ADAMTSL2: variants seen among roughly 807,000 people sequenced by gnomAD.
ADAMTSL2 encodes ADAMTS-like protein 2.
ADAMTSL2 carries 55 observed loss-of-function variants against 117.0 expected under a neutral mutation model. The ratio of observed to expected loss-of-function variants is 0.47; its 90% confidence interval spans 0.38 to 0.59. The LOEUF is 0.59. ADAMTSL2 is among the 20% of genes least tolerant of loss of function. ADAMTSL2 has a pLI of 0.00. For synonymous variants in ADAMTSL2, 572 were observed against 566.4 expected, an observed-to-expected ratio of 1.01 and a Z score of -0.14; for missense variants, 1,182 against 1,354.5, an observed-to-expected ratio of 0.87 and a Z score of 2.00.
chr9:133,565,931 C>T lies in ADAMTSL2; in HGVS notation c.1748-1005C>T, dbSNP rs1416457004. On this transcript the variant is annotated intron_variant, in intron 12 of 18. Coordinates refer to ENST00000651351, the MANE Select transcript of ADAMTSL2 (RefSeq NM_014694.4). ...ACCCCAAGGCCGTTCCCACTGCTGC[C>T]GGCTCTCCCAGAATCATCCTGCTCC... is the stretch of plus-strand genomic sequence containing the variant. 5.9e-5 allele frequency among the ~76,000 whole-genome samples: 9 copies of T among 152,254 alleles called. No homozygotes were observed. In the East Asian group the frequency reaches 1.5e-3, roughly 26 times the overall value.
intron 12 of ADAMTSL2, among the ~76,000 whole-genome samples, chr9:133,563,825 G>A (rs1830809158): frequency 2.2e-5 from 2 of 89,326 alleles, no homozygotes; most frequent in African/African-American, 4.6e-5. Flanking sequence ...GGGGGAGAGA[G>A]AGAGAGAGAG....
At chr9:133,563,818 G>GGAGAGAGAGAGAGAGAGAGAGGGAGAGA (rs1830807427) in intron 12 of ADAMTSL2, among the ~76,000 whole-genome samples, 1 of 33,492 alleles carries the variant, frequency 3.0e-5, no homozygotes, top group Non-Finnish European at 6.3e-5. Context: ...AGAGAAAGGG[G>GGAGAGAGAGAGAGAGAGAGAGGGAGAGA]GAGAGAGAGA....
chr9:133,561,920 C>T (rs1830738466), intron 12 of ADAMTSL2, among the ~76,000 whole-genome samples: 1 of 152,130 alleles, frequency 6.6e-6, no homozygotes, highest in South Asian at 2.1e-4. Context: ...ACTCTAGTAC[C>T]CTCCCCTGGG....
Position 133,534,765 on chromosome 9 carries a change from G to A in ADAMTSL2, c.-303G>A. On this transcript the variant is annotated 5_prime_UTR_variant, in exon 1 of 19. Transcript: ENST00000651351. The stretch of plus-strand genomic sequence containing the variant: ...GATGCTCTTTGAAGTGGGAGAGGGA[G>A]GCGGCGCGGGGGAGGAGGGGAAGGG... 1 of 1,462,594 alleles carries A rather than the reference G, an allele frequency of 6.8e-7. No homozygotes were observed. Among genetic ancestry groups the A allele is most frequent in the South Asian group, 1.4e-5 (1 of 73,408 alleles). 90.6% of individuals were successfully genotyped at this position (1,462,594 alleles called of 1,614,324 possible). A position where few individuals can be genotyped will look rare whatever the true frequency, so the allele number is the denominator to read the frequency against.
chr9:133,569,537 A>G lies in ADAMTSL2; in HGVS notation c.2374A>G (p.Lys792Glu). Residue 792 changes from lysine to glutamate, a missense_variant, in exon 16 of 19, where the codon AAA (lysine) becomes GAA (glutamate). Lys to Glu is a moderately conservative substitution (Grantham distance 56, BLOSUM62 1). This residue lies in a region of ADAMTSL2 where 465 missense variants were observed against 565.3 expected (regional missense o/e 0.82). Transcript: ENST00000651351. ...TCTGGCCATCCACCCCTGTGGGGAC[A>G]AAAACTGTCCCGCCCACTGGCTGGC... ...KPLAIHPCGD[K>E]NCPAHWLAQD... 6.2e-7 allele frequency: 1 copy of G among 1,602,120 alleles called. No individual in the cohort carries two copies. Among genetic ancestry groups the G allele is most frequent in the Non-Finnish European group, 8.5e-7 (1 of 1,174,160 alleles).
At chr9:133,532,679 C>G (rs1588270208), upstream of ADAMTSL2, 1 of 152,224 alleles carries the variant, frequency 6.6e-6, no homozygotes, top group East Asian at 1.9e-4. Flanking sequence ...ACAGCACTCT[C>G]TAAGGGGTAA....
chr9:133,534,521 C>A (rs1357608605), upstream of ADAMTSL2: 2 of 603,254 alleles, frequency 3.3e-6, no homozygotes, highest in African/African-American at 1.9e-5. Flanking sequence ...GCTCCTGGGC[C>A]GCCGCCGCCG....
chr9:133,554,321 T>G lies in ADAMTSL2; in HGVS notation c.940-36T>G. 1 of 1,514,992 alleles carries G rather than the reference T, an allele frequency of 6.6e-7. No homozygotes were observed. 93.8% of individuals were successfully genotyped at this position (1,514,992 alleles called of 1,614,324 possible). On this transcript the variant is annotated intron_variant, in intron 9 of 18. Transcript: ENST00000651351. This position sits in a 1 kb window ranked among gnomAD's most constrained non-coding sequence, Gnocchi z 5.2. The stretch of plus-strand genomic sequence containing the variant: ...TTGGTGGGGAAGGGGCTGGACAGAG[T>G]AAGGAGGGGCTGGGGACCCACTTCT...
At chr9:133,545,900 C>T (rs554573302) in intron 8 of ADAMTSL2, among the ~76,000 whole-genome samples, 2 of 152,084 alleles carry the variant, frequency 1.3e-5, no homozygotes, top group Admixed American at 6.5e-5. Flanking sequence ...CTCTAATTTG[C>T]GTTATCTTCT....
chr9:133,552,502 G>T (rs1342105141), intron 9 of ADAMTSL2, among the ~76,000 whole-genome samples: 4 of 152,238 alleles, frequency 2.6e-5, no homozygotes, highest in Non-Finnish European at 5.9e-5. Flanking sequence ...GGGAGCGTAA[G>T]TGTAGCCCTG....
At chr9:133,572,554 C>G in intron 17 of ADAMTSL2, among the ~76,000 whole-genome samples, 1 of 152,110 alleles carries the variant, frequency 6.6e-6, no homozygotes, top group East Asian at 1.9e-4. Flanking sequence ...GATGGGGGGG[C>G]CACTGTGGGG....
intron 7 of ADAMTSL2, among the ~76,000 whole-genome samples, chr9:133,542,724 C>G (rs1485753143): frequency 6.6e-6 from 1 of 151,858 alleles, no homozygotes; most frequent in Non-Finnish European, 1.5e-5. Context: ...GGGCCTGAAC[C>G]CAGGCAGCCT....
intron 9 of ADAMTSL2, among the ~76,000 whole-genome samples, chr9:133,549,575 G>A (rs1379235863): frequency 7.0e-6 from 1 of 142,344 alleles, no homozygotes; most frequent in Admixed American, 7.2e-5. Context: ...AGTAGAGAGA[G>A]GGTCTTGCTA....
At chr9:133,544,914 C>G (rs1041615417) in intron 8 of ADAMTSL2, among the ~76,000 whole-genome samples, 2 of 152,182 alleles carry the variant, frequency 1.3e-5, no homozygotes, top group African/African-American at 4.8e-5. Context: ...CAGGAGATGA[C>G]AAGGTCAAGG....
In ADAMTSL2 at chr9:133,555,879, A is replaced by C; in HGVS notation, c.1598A>C (p.Asn533Thr). The C allele has an allele frequency of 1.2e-6, 2 of 1,613,028 alleles. No individual in the cohort carries two copies. Among genetic ancestry groups the C allele is most frequent in the Non-Finnish European group, 1.7e-6 (2 of 1,179,914 alleles). ...AGCTCCTCCGAGGCCCCATTCCCCA[A>C]CGTTAGCACCAGCCTGCTCACCTCG... ...ANSSSEAPFP[N>T]VSTSLLTSAG... Residue 533 changes from asparagine to threonine, a missense_variant, in exon 11 of 19, where the codon AAC becomes ACC. Physicochemically the swap from Asn to Thr is moderately conservative, Grantham distance 65. Coordinates refer to ENST00000651351, the MANE Select transcript of ADAMTSL2 (RefSeq NM_014694.4).
In ADAMTSL2 at chr9:133,555,822, A is replaced by G. The variant is rs1193799450; in HGVS notation, c.1541A>G (p.Tyr514Cys). Residue 514 changes from tyrosine (Y) to cysteine (C), a missense_variant, in exon 11 of 19, where the codon TAC becomes TGC. Transcript: ENST00000651351. ...GAGPYLLNGS[Y>C]LELSSDRVAN... is the part of the protein sequence containing the mutation. ...GGCCCTTACCTGCTCAACGGGTCCT[A>G]CCTGGAGCTGAGCAGCGACAGGGTT... 6.2e-7 allele frequency: 1 copy of G among 1,613,742 alleles called. No individual in the cohort carries two copies.
At chr9:133,532,181 C>G (rs1157742472), upstream of ADAMTSL2, 2 of 152,138 alleles carry the variant, frequency 1.3e-5, no homozygotes, top group Non-Finnish European at 2.9e-5. Context: ...GGAGAAAATC[C>G]CCTTCTTTTT....
rs770453321 is a variant in ADAMTSL2 at position 133,566,908 on chromosome 9, C to T, written c.1748-28C>T. The T allele has an allele frequency of 5.9e-4, 939 of 1,595,918 alleles. 1 individual carries two copies. The highest frequency in any genetic ancestry group is 7.0e-4 in the Non-Finnish European group (821 of 1,172,040). ...TGGGCTCCAAGGTGCCGGCATGGCT[C>T]ACAGACCCACCCCTGTCCCCAACCC... On this transcript the variant is annotated intron_variant, in intron 12 of 18. Transcript: ENST00000651351.
At chr9:133,543,674 C>A (rs1349310710) in intron 7 of ADAMTSL2, among the ~76,000 whole-genome samples, 9 of 152,232 alleles carry the variant, frequency 5.9e-5, no homozygotes, top group African/African-American at 2.2e-4. Context: ...ATCCTCCGTT[C>A]CCAGAGGGAT....
Sources: allele counts gnomAD v4.1 joint callset (sites outside exome capture counted in the v4.1 genomes callset), GRCh38; gene constraint gnomAD v4.1.1; regional missense constraint gnomAD v4.1.1; non-coding constraint Gnocchi (gnomAD v3.1); transcripts MANE v1.5; gene names NCBI Gene and HGNC (gene_info 2026-07-23, HGNC 2026-07-21).